RIT2: variants seen among roughly 807,000 people sequenced by gnomAD.
RIT2 encodes the protein GTP-binding protein Rit2.
A neutral mutation model predicts 23.7 loss-of-function variants in RIT2; 24 were observed. The observed-to-expected ratio is 1.01, with a 90% confidence interval of 0.73 to 1.43. RIT2 has a LOEUF of 1.43. RIT2 is among the 40% of genes most tolerant of loss of function. RIT2 has a pLI of 0.00. For missense variants in RIT2, 236 were observed against 266.9 expected (o/e 0.88, Z 0.81); for synonymous variants, 107 against 91.1 (o/e 1.17, Z -0.99).
At chr18:42,868,068 T>C (rs1907520124) in intron 4 of RIT2, among the ~76,000 whole-genome samples, 1 of 152,224 alleles carries the variant, frequency 6.6e-6, no homozygotes, top group African/African-American at 2.4e-5. Context: ...TTAGTGTTTG[T>C]CTTAACTTAT....
intron 4 of RIT2, among the ~76,000 whole-genome samples, chr18:42,769,053 T>C (rs1299313546): frequency 1.3e-5 from 2 of 152,202 alleles, no homozygotes; most frequent in Non-Finnish European, 2.9e-5. Flanking sequence ...GCTGATGTGA[T>C]TCCTCTGTGG....
intron 4 of RIT2, among the ~76,000 whole-genome samples, chr18:42,793,116 T>C (rs60827299): frequency 0.29 from 44,219 of 151,988 alleles, 7,958 homozygotes; most frequent in African/African-American, 0.5. Context: ...TAACTACTTC[T>C]TAAAATGGTT....
At chr18:42,744,077 AG>A (rs879632664) in intron 4 of RIT2, among the ~76,000 whole-genome samples, 10 of 152,156 alleles carry the variant, frequency 6.6e-5, no homozygotes, top group Admixed American at 5.2e-4. Context: ...TGGCTCAAAA[AG>A]CTCCCCCACT....
At chr18:43,050,311 G>A (rs1385010033) in intron 1 of RIT2, among the ~76,000 whole-genome samples, 1 of 151,940 alleles carries the variant, frequency 6.6e-6, no homozygotes, top group African/African-American at 2.4e-5. Flanking sequence ...GATTATAGGT[G>A]TAAGCAACCT....
At chr18:42,979,660 A>T (rs1910552487) in intron 2 of RIT2, among the ~76,000 whole-genome samples, 1 of 152,140 alleles carries the variant, frequency 6.6e-6, no homozygotes, top group South Asian at 2.1e-4. Context: ...TCTTGACCAA[A>T]ATGTTAAATC....
chr18:42,825,340 G>C (rs561627941), intron 4 of RIT2, among the ~76,000 whole-genome samples: 1 of 151,628 alleles, frequency 6.6e-6, no homozygotes, highest in African/African-American at 2.4e-5. Context: ...AGTGTTAACC[G>C]GGAGATAGGA....
intron 1 of RIT2, among the ~76,000 whole-genome samples, chr18:43,049,401 C>T (rs1361388665): frequency 1.3e-5 from 2 of 152,098 alleles, no homozygotes; most frequent in Non-Finnish European, 2.9e-5. Context: ...AAGCACTGTA[C>T]TAGATATGTT....
intron 4 of RIT2, among the ~76,000 whole-genome samples, chr18:42,844,846 C>T (rs929487225): frequency 2.0e-5 from 3 of 152,078 alleles, no homozygotes; most frequent in Non-Finnish European, 4.4e-5. Context: ...CCCCTATCTG[C>T]CTAGAATTTC....
chr18:43,015,767 G>A (rs550693511), intron 2 of RIT2, among the ~76,000 whole-genome samples: 3 of 151,730 alleles, frequency 2.0e-5, no homozygotes, highest in Admixed American at 1.3e-4. Context: ...TGTTGAAGAA[G>A]ACAAAAGAAA....
intron 1 of RIT2, among the ~76,000 whole-genome samples, chr18:43,076,904 C>A (rs376546489): frequency 6.6e-6 from 1 of 151,504 alleles, no homozygotes; most frequent in Non-Finnish European, 1.5e-5. Flanking sequence ...GAGATCGAGA[C>A]CATCCCGGCT....
At chr18:43,022,981 G>T (rs562500302) in intron 2 of RIT2, among the ~76,000 whole-genome samples, 5 of 152,090 alleles carry the variant, frequency 3.3e-5, no homozygotes, top group South Asian at 2.1e-4. Context: ...GTCTATTTTG[G>T]AGTACAGAAC....
rs76516065 is a variant in RIT2, at chr18:43,012,995, G to A, written c.160+20816C>T. Among the ~76,000 whole-genome samples the A allele has an allele frequency of 2.9e-3, 446 of 151,818 alleles. 7 individuals carry two copies. The highest frequency in any genetic ancestry group is 0.01 in the African/African-American group (431 of 41,472). On this transcript the variant is annotated intron_variant, in intron 2 of 4. Coordinates refer to ENST00000326695, the MANE Select transcript of RIT2 (RefSeq NM_002930.4). ...TGTTGATAGTAAGCCATATAAAAGG[G>A]AACAAAAGCACTAGCCCATATTATT...
intron 4 of RIT2, among the ~76,000 whole-genome samples, chr18:42,846,355 A>C (rs1247830862): frequency 6.6e-6 from 1 of 151,992 alleles, no homozygotes; most frequent in African/African-American, 2.4e-5. Flanking sequence ...ATAAATCTGT[A>C]ACTAAAAACC....
chr18:42,762,977 A>G (rs1246678910), intron 4 of RIT2, among the ~76,000 whole-genome samples: 1 of 152,206 alleles, frequency 6.6e-6, no homozygotes, highest in Non-Finnish European at 1.5e-5. Context: ...TCATTGTGCA[A>G]ACATCATAGA....
At chr18:43,022,721 A>C (rs1288244270) in intron 2 of RIT2, among the ~76,000 whole-genome samples, 1 of 152,050 alleles carries the variant, frequency 6.6e-6, no homozygotes, top group Non-Finnish European at 1.5e-5. Flanking sequence ...TCATTGCTAT[A>C]GCCCAGCTCA....
At chr18:43,058,170 G>A (rs959930695) in intron 1 of RIT2, among the ~76,000 whole-genome samples, 3 of 152,084 alleles carry the variant, frequency 2.0e-5, no homozygotes. Flanking sequence ...ACTGTTGATA[G>A]TAATGTTGAT....
At chr18:42,789,093 G>T (rs182304634) in intron 4 of RIT2, among the ~76,000 whole-genome samples, 2 of 152,084 alleles carry the variant, frequency 1.3e-5, no homozygotes, top group African/African-American at 2.4e-5. Flanking sequence ...TATCTTTACC[G>T]TGTGTTGTGA....
Position 43,112,663 on chromosome 18 carries a change from G to C in RIT2, c.103+2754C>G, listed in dbSNP as rs540453248. ...TCATGCCTATAATCCCAGCACTTTG[G>C]GGGGCTGAGGCAGGAGCATTGCTTG... On this transcript the variant is annotated intron_variant, in intron 1 of 4. Coordinates refer to ENST00000326695, the MANE Select transcript of RIT2 (RefSeq NM_002930.4). Among the ~76,000 whole-genome samples, 13 of 152,256 alleles carry C rather than the reference G, an allele frequency of 8.5e-5. No individual in the cohort carries two copies. In the East Asian group the frequency reaches 1.4e-3, roughly 16 times the overall value.
intron 1 of RIT2, among the ~76,000 whole-genome samples, chr18:43,103,653 T>G (rs1057110140): frequency 6.6e-6 from 1 of 152,150 alleles, no homozygotes; most frequent in African/African-American, 2.4e-5. Flanking sequence ...TCGAACAAAT[T>G]GAGGGAAAGG....
Sources: gnomAD v4.1 joint callset for allele counts (sites outside exome capture counted in the v4.1 genomes callset) on GRCh38, gnomAD v4.1.1 for gene constraint, MANE v1.5 for transcripts, NCBI Gene and HGNC (gene_info 2026-07-23, HGNC 2026-07-21) for gene names.